The following PIAS2 variants were observed in gnomAD, a reference collection of about 807,000 sequenced individuals.
PIAS2 encodes the protein protein inhibitor of activated STAT 2.
Under a neutral mutation model 69.7 loss-of-function variants are expected in PIAS2, and 19 were observed. The ratio of observed to expected loss-of-function variants is 0.27; its 90% confidence interval spans 0.19 to 0.40. The LOEUF is 0.40. Ranked by LOEUF, PIAS2 falls within the 10% of genes least tolerant of loss-of-function variation. The pLI, the probability that PIAS2 is intolerant of heterozygous loss-of-function variation, is 1.00. For synonymous variants in PIAS2, 261 were observed against 263.2 expected, an observed-to-expected ratio of 0.99 and a Z score of 0.08; for missense variants, 624 against 757.0, an observed-to-expected ratio of 0.82 and a Z score of 2.06.
At chr18:46,868,636 C>T (rs897648508) in intron 2 of PIAS2, among the ~76,000 whole-genome samples, 11 of 152,202 alleles carry the variant, frequency 7.2e-5, no homozygotes, top group African/African-American at 2.7e-4. Context: ...CCTTCCCCTC[C>T]TTTGTTTGGT....
chr18:46,843,950 A>C (rs1057149347), intron 8 of PIAS2, 104 bp downstream of exon 8: 5 of 627,520 alleles, frequency 8.0e-6, no homozygotes, highest in African/African-American at 1.9e-5. Context: ...ACAAAAGTTC[A>C]GCATTCTTCA....
intron 2 of PIAS2, among the ~76,000 whole-genome samples, chr18:46,864,568 C>T (rs551837703): frequency 3.3e-5 from 5 of 152,204 alleles, no homozygotes; most frequent in Non-Finnish European, 4.4e-5. Context: ...GTCGCAAGTT[C>T]GAGACCAGCC....
At chr18:46,881,159 C>T (rs965944314) in intron 2 of PIAS2, among the ~76,000 whole-genome samples, 1 of 152,084 alleles carries the variant, frequency 6.6e-6, no homozygotes, top group African/African-American at 2.4e-5. Context: ...TGGAGTTAGT[C>T]CACCTTATTA....
At chr18:46,896,307 T>C (rs1201582563) in intron 1 of PIAS2, among the ~76,000 whole-genome samples, 2 of 149,676 alleles carry the variant, frequency 1.3e-5, no homozygotes, top group East Asian at 1.9e-4. Context: ...AAATAGTGCA[T>C]GCAACTATAT....
Position 46,807,559 on chromosome 18 carries a change from T to C in PIAS2, c.*4874A>G, listed in dbSNP as rs1158935910. 1.3e-5 allele frequency: 2 copies of C among 150,888 alleles called. No individual in the cohort carries two copies. The highest frequency in any genetic ancestry group is 4.9e-5 in the African/African-American group (2 of 40,878). The allele number at this position is 150,888 out of a possible 1,614,324, so 9.3% of individuals were successfully genotyped here. On this transcript the variant is annotated 3_prime_UTR_variant, in exon 14 of 14. Coordinates refer to ENST00000585916, the MANE Select transcript of PIAS2 (RefSeq NM_004671.5). The stretch of plus-strand genomic sequence containing the variant: ...GGCGCCTGCCATCACACCCACCTAA[T>C]TTATGTTTTTGCTAGAGATGGGGTT...
At chr18:46,906,507 C>G (rs1388339305) in intron 1 of PIAS2, among the ~76,000 whole-genome samples, 1 of 152,044 alleles carries the variant, frequency 6.6e-6, no homozygotes, top group African/African-American at 2.4e-5. Flanking sequence ...TACTTCTGTG[C>G]ACCAGCAAAG....
At chr18:46,894,721 G>T (rs1346803488) in intron 1 of PIAS2, among the ~76,000 whole-genome samples, 1 of 152,000 alleles carries the variant, frequency 6.6e-6, no homozygotes, top group Non-Finnish European at 1.5e-5. Flanking sequence ...TTATATAATT[G>T]AAACACTACA....
intron 2 of PIAS2, among the ~76,000 whole-genome samples, chr18:46,869,823 T>C (rs1259764221): frequency 6.6e-6 from 1 of 152,210 alleles, no homozygotes; most frequent in East Asian, 1.9e-4. Flanking sequence ...TAATAGAGTA[T>C]GTCAATGACA....
chr18:46,861,752 A>G (rs1187591248), intron 3 of PIAS2, among the ~76,000 whole-genome samples: 1 of 152,188 alleles, frequency 6.6e-6, no homozygotes, highest in Admixed American at 6.5e-5. Context: ...GAAAGACAAA[A>G]AACAAACAAA....
intron 5 of PIAS2, chr18:46,853,049 G>A (rs1006403163): frequency 1.3e-5 from 2 of 152,490 alleles, no homozygotes; most frequent in Non-Finnish European, 2.9e-5. Context: ...GGCCAACATA[G>A]GTGGATCACT....
intron 4 of PIAS2, 57 bp from the exon 5 acceptor site, chr18:46,855,492 G>A (rs2047603161): frequency 6.4e-7 from 1 of 1,572,934 alleles, no homozygotes; most frequent in Non-Finnish European, 8.7e-7. Context: ...ATTCTTATAT[G>A]TTTTAAAATT....
intron 8 of PIAS2, among the ~76,000 whole-genome samples, chr18:46,839,442 TG>T (rs2145149811): frequency 6.6e-6 from 1 of 152,368 alleles, no homozygotes; most frequent in Admixed American, 6.5e-5. Context: ...TTTTACTTTT[TG>T]GTTCTATTTG....
intron 7 of PIAS2, 26 bp from the exon 8 acceptor site, chr18:46,844,153 A>AAT: frequency 8.0e-7 from 1 of 1,246,414 alleles, no homozygotes; most frequent in Non-Finnish European, 1.1e-6. Flanking sequence ...AAAAAAAAAA[A>AAT]TTTAAAAAAA....
Position 46,807,377 on chromosome 18 carries a change from ATATATATTTTTTTTT to A in PIAS2, c.*5041_*5055del, listed in dbSNP as rs2040750145. 1.2e-4 allele frequency: 3 copies of A among 25,060 alleles called. No individual in the cohort carries two copies. The highest frequency in any genetic ancestry group is 2.2e-4 in the Non-Finnish European group (3 of 13,432). The allele number at this position is 25,060 out of a possible 1,614,324, so 1.6% of individuals were successfully genotyped here. A position where few individuals can be genotyped will look rare whatever the true frequency, so the allele number is the denominator to read the frequency against. ...ATTTTATATATATATATATATATAT[ATATATATTTTTTTTT>A]TTTTTTTTTTTTTTTTTTAGAGAGT... On this transcript the variant is annotated 3_prime_UTR_variant, in exon 14 of 14. Coordinates refer to ENST00000585916, the MANE Select transcript of PIAS2 (RefSeq NM_004671.5).
intron 13 of PIAS2, among the ~76,000 whole-genome samples, chr18:46,814,498 C>T (rs1168031550): frequency 6.6e-6 from 1 of 152,102 alleles, no homozygotes; most frequent in Non-Finnish European, 1.5e-5. Flanking sequence ...TAAGAAATTC[C>T]TCAGTCTGCA....
intron 2 of PIAS2, among the ~76,000 whole-genome samples, chr18:46,874,219 A>C (rs1429430240): frequency 6.6e-6 from 1 of 152,236 alleles, no homozygotes; most frequent in African/African-American, 2.4e-5. Flanking sequence ...GGGCCATTCC[A>C]AAGCATCCAA....
chr18:46,843,487 T>G (rs1158018143), intron 8 of PIAS2, among the ~76,000 whole-genome samples: 1 of 152,188 alleles, frequency 6.6e-6, no homozygotes, highest in African/African-American at 2.4e-5. Context: ...GGAGTTGGTT[T>G]TATTTTTCAA....
At chr18:46,827,928 A>G (rs777338387) in intron 11 of PIAS2, 31 bp downstream of exon 11, 5 of 1,594,180 alleles carry the variant, frequency 3.1e-6, no homozygotes, top group Admixed American at 1.7e-5. Flanking sequence ...TGCAAGGGTA[A>G]TGAACAATAG....
intron 1 of PIAS2, chr18:46,901,126 T>C: frequency 3.1e-6 from 1 of 323,096 alleles, no homozygotes; most frequent in Non-Finnish European, 6.0e-6. Flanking sequence ...ACACAAAAAA[T>C]TAAACTACAG....
Sources: gnomAD v4.1 joint callset for allele counts (sites outside exome capture counted in the v4.1 genomes callset) on GRCh38, gnomAD v4.1.1 for gene constraint, MANE v1.5 for transcripts, NCBI Gene and HGNC (gene_info 2026-07-23, HGNC 2026-07-21) for gene names.